WIPF3: variants seen among roughly 807,000 people sequenced by gnomAD.
WIPF3 encodes the protein WAS/WASL-interacting protein family member 3.
In WIPF3, 33 loss-of-function variants were observed where a neutral mutation model predicts 38.9. The ratio of observed to expected loss-of-function variants is 0.85; its 90% CI spans 0.64 to 1.14. The LOEUF (loss-of-function observed/expected upper bound fraction) is 1.14, where lower values mean the gene tolerates loss of function less well. Among genes scored for constraint, WIPF3 ranks in the 50% most tolerant of loss-of-function variants. The pLI is 0.00. For synonymous variants in WIPF3, 324 were observed against 269.3 expected, an observed-to-expected ratio of 1.20 and a Z score of -1.99; for missense variants, 711 against 652.5, an observed-to-expected ratio of 1.09 and a Z score of -0.98.
In WIPF3 at chr7:29,844,180, A is replaced by G. The variant is rs1263992511; in HGVS notation, c.90+9366A>G. 1.3e-5 allele frequency among the ~76,000 whole-genome samples: 2 copies of G among 152,194 alleles called. No individual in the cohort carries two copies. The highest frequency in any genetic ancestry group is 2.9e-5 in the Non-Finnish European group (2 of 68,014). The stretch of plus-strand genomic sequence containing the variant: ...GTAAGGACATGGAAAACGTGTCATC[A>G]CTGGGTATCTGGGGTGGAAAAGGGT... On this transcript the variant is annotated intron_variant, in intron 2 of 8. Transcript: ENST00000242140. The surrounding 1 kb of genome is among the most constrained non-coding windows in gnomAD (Gnocchi z 4.8).
intron 7 of WIPF3, among the ~76,000 whole-genome samples, chr7:29,891,644 C>T (rs949845956): frequency 6.6e-5 from 10 of 152,154 alleles, no homozygotes; most frequent in East Asian, 1.9e-4. Context: ...CAGTTCAGCG[C>T]GCTCACATGA....
chr7:29,856,040 T>A (rs1050247958), intron 2 of WIPF3, among the ~76,000 whole-genome samples: 1 of 152,244 alleles, frequency 6.6e-6, no homozygotes, highest in Non-Finnish European at 1.5e-5. Context: ...TAGATATGTA[T>A]GTATATATGT....
intron 1 of WIPF3, among the ~76,000 whole-genome samples, chr7:29,810,661 G>A (rs1454654375): frequency 1.3e-5 from 2 of 152,146 alleles, no homozygotes; most frequent in Non-Finnish European, 2.9e-5. Context: ...TTAGGGCTCA[G>A]CCTATAAAAT....
chr7:29,815,876 G>C (rs1784447110), intron 1 of WIPF3, among the ~76,000 whole-genome samples: 1 of 152,134 alleles, frequency 6.6e-6, no homozygotes, highest in Non-Finnish European at 1.5e-5. Flanking sequence ...CCTCTAACTT[G>C]TGGATGGCTG....
chr7:29,838,050 C>T (rs1305098149), intron 2 of WIPF3, among the ~76,000 whole-genome samples: 2 of 152,204 alleles, frequency 1.3e-5, no homozygotes, highest in Non-Finnish European at 2.9e-5. Flanking sequence ...TCCCGAGTAG[C>T]TGGAACTACA....
chr7:29,883,280 A>G (rs1785760906), intron 4 of WIPF3, among the ~76,000 whole-genome samples: 1 of 152,220 alleles, frequency 6.6e-6, no homozygotes, highest in Admixed American at 6.5e-5. Flanking sequence ...GTTCAAGGTC[A>G]TTGGACCTGG....
In WIPF3 at chr7:29,844,372, G is replaced by A. The variant is rs1179332183; in HGVS notation, c.90+9558G>A. ...GTAACAATAATGCTTCATAATAACA[G>A]GCATCTACTAAATAGCTATTGTGCC... On this transcript the variant is annotated intron_variant, in intron 2 of 8. Transcript: ENST00000242140. The surrounding 1 kb of genome is among the most constrained non-coding windows in gnomAD (Gnocchi z 4.8). Among the ~76,000 whole-genome samples, 1 of 152,178 alleles carries A rather than the reference G, an allele frequency of 6.6e-6. No homozygotes were observed. Among genetic ancestry groups the A allele is most frequent in the Non-Finnish European group, 1.5e-5 (1 of 68,028 alleles).
intron 2 of WIPF3, among the ~76,000 whole-genome samples, chr7:29,849,127 G>T (rs1223038267): frequency 6.6e-6 from 1 of 152,012 alleles, no homozygotes; most frequent in African/African-American, 2.4e-5. Flanking sequence ...CTCGACCCCA[G>T]CCTAGCCCAA....
chr7:29,815,871 A>C (rs1784447001), intron 1 of WIPF3, among the ~76,000 whole-genome samples: 1 of 152,064 alleles, frequency 6.6e-6, no homozygotes, highest in Admixed American at 6.6e-5. Flanking sequence ...AGTCGCCTCT[A>C]ACTTGTGGAT....
At chr7:29,904,101 G>A (rs958773950) in intron 7 of WIPF3, among the ~76,000 whole-genome samples, 185 bp from the exon 8 acceptor site, 1 of 152,134 alleles carries the variant, frequency 6.6e-6, no homozygotes, top group African/African-American at 2.4e-5. Context: ...CAGAGTATTA[G>A]ACATGACTCT....
intron 1 of WIPF3, among the ~76,000 whole-genome samples, chr7:29,830,115 T>C (rs988095394): frequency 1.3e-5 from 2 of 150,998 alleles, no homozygotes; most frequent in Non-Finnish European, 2.9e-5. Context: ...AAAAAAAGCC[T>C]TTCACAGCCA....
chr7:29,827,392 C>CAGGT (rs1784632179), intron 1 of WIPF3, among the ~76,000 whole-genome samples: 1 of 152,158 alleles, frequency 6.6e-6, no homozygotes, highest in Non-Finnish European at 1.5e-5. Context: ...TTCTCATCAT[C>CAGGT]ACCTGGAGAG....
At chr7:29,890,086 G>T (rs1458687686) in intron 7 of WIPF3, among the ~76,000 whole-genome samples, 1 of 152,138 alleles carries the variant, frequency 6.6e-6, no homozygotes, top group Non-Finnish European at 1.5e-5. Context: ...GATGAGCCAG[G>T]CATGATCCAT....
intron 2 of WIPF3, among the ~76,000 whole-genome samples, chr7:29,841,091 C>T (rs146000197): frequency 1.3e-3 from 193 of 152,246 alleles, no homozygotes; most frequent in Admixed American, 2.7e-3. Flanking sequence ...GTTACAAGGT[C>T]AGGATTCTCT....
At chr7:29,871,980 A>C (rs1785503991) in intron 2 of WIPF3, among the ~76,000 whole-genome samples, 1 of 152,218 alleles carries the variant, frequency 6.6e-6, no homozygotes, top group African/African-American at 2.4e-5. Context: ...GAAACCCAAC[A>C]AATTGTCACT....
intron 1 of WIPF3, among the ~76,000 whole-genome samples, chr7:29,827,518 T>G (rs572759337): frequency 1.3e-5 from 2 of 152,270 alleles, no homozygotes; most frequent in South Asian, 4.1e-4. Context: ...TGGGCTGCTA[T>G]CTCCTGGCCG....
Position 29,838,109 on chromosome 7 carries a change from G to A in WIPF3, c.90+3295G>A, listed in dbSNP as rs1455032187. On this transcript the variant is annotated intron_variant, in intron 2 of 8. Transcript: ENST00000242140. ...AATTTTCTCTATTTTTAGTAGAGACGGGGTTTCACTGTGTTAGCCAGGATG... is the reference window on the plus strand; with the variant it reads ...AATTTTCTCTATTTTTAGTAGAGACAGGGTTTCACTGTGTTAGCCAGGATG... Among the ~76,000 whole-genome samples the A allele has an allele frequency of 2.6e-5, 4 of 152,282 alleles. No individual in the cohort carries two copies. In the South Asian group the frequency reaches 6.2e-4, roughly 24 times the overall value.
rs563257809 is a variant in WIPF3, at chr7:29,900,002, A to G, written c.1352-4284A>G. Among the ~76,000 whole-genome samples the G allele has an allele frequency of 9.8e-4, 149 of 152,158 alleles. 1 individual carries two copies. The highest frequency in any genetic ancestry group is 1.6e-3 in the Non-Finnish European group (109 of 67,994). ...GCCCTGGCTCGAGTACAATGGTGCA[A>G]TCTTGTCTCACTGCAGCCTCTGCCT... On this transcript the variant is annotated intron_variant, in intron 7 of 8. Transcript: ENST00000242140.
At chr7:29,894,578 G>A (rs921353839) in intron 7 of WIPF3, among the ~76,000 whole-genome samples, 1 of 152,128 alleles carries the variant, frequency 6.6e-6, no homozygotes, top group African/African-American at 2.4e-5. Context: ...CAGATGTGGT[G>A]TATGCCTGTC....
Sources: allele counts gnomAD v4.1 joint callset (sites outside exome capture counted in the v4.1 genomes callset), GRCh38; gene constraint gnomAD v4.1.1; non-coding constraint Gnocchi (gnomAD v3.1); transcripts MANE v1.5; gene names NCBI Gene and HGNC (gene_info 2026-07-23, HGNC 2026-07-21).